The following PCDHGA11 variants were observed in gnomAD, a reference collection of about 807,000 sequenced individuals.
PCDHGA11 encodes protocadherin gamma-A11.
PCDHGA11 carries 39 observed loss-of-function variants against 60.4 expected under a neutral mutation model. That is an observed-to-expected ratio of 0.65 (90% CI 0.50 to 0.84). The LOEUF is 0.84. Ranked by LOEUF, PCDHGA11 falls within the 40% of genes least tolerant of loss-of-function variation. PCDHGA11 has a pLI of 0.00. For synonymous variants in PCDHGA11, 533 were observed against 510.3 expected (o/e 1.04, Z -0.60); for missense variants, 1,165 against 1,197.7 (o/e 0.97, Z 0.40).
rs376527354 is a variant in PCDHGA11, at chr5:141,439,129, G to A, written c.2433+15469G>A. Among the ~76,000 whole-genome samples the A allele has an allele frequency of 7.3e-5, 11 of 151,064 alleles. No individual in the cohort carries two copies. The South Asian group carries it at 2.3e-3, about 32-fold the overall frequency. The stretch of plus-strand genomic sequence containing the variant: ...AATCACTTGAACCCGGGAGACAGAG[G>A]TTGCAGTGAGCTGAGATCACGCCAC... On this transcript the variant is annotated intron_variant, in intron 1 of 3. Coordinates refer to ENST00000398587, the MANE Select transcript of PCDHGA11 (RefSeq NM_018914.3).
intron 1 of PCDHGA11, chr5:141,424,504 G>GT (rs892941709): frequency 6.6e-6 from 1 of 152,016 alleles, no homozygotes; most frequent in African/African-American, 2.4e-5. Context: ...TGTATGGAAG[G>GT]TTTTTTAATG....
intron 1 of PCDHGA11, among the ~76,000 whole-genome samples, chr5:141,438,976 C>T (rs2098079529): frequency 6.6e-6 from 1 of 151,928 alleles, no homozygotes; most frequent in Non-Finnish European, 1.5e-5. Context: ...AACTGTCTGA[C>T]TTATCTTAAA....
chr5:141,422,910 C>T lies in PCDHGA11; in HGVS notation c.1683C>T (p.Pro561=), dbSNP rs756589496. Residue 561 remains proline, a synonymous_variant, in exon 1 of 4, where the codon CCC becomes CCT. Transcript: ENST00000398587. ...LFVLDQNDNA[P]EILYPALPTD... ...TGCTGGACCAGAACGACAATGCGCC[C>T]GAGATCCTGTACCCTGCCCTCCCCA... 1.2e-6 allele frequency: 2 copies of T among 1,614,252 alleles called. No homozygotes were observed. The highest frequency in any genetic ancestry group is 1.1e-5 in the South Asian group (1 of 91,086).
At chr5:141,433,181 G>T (rs199507607) in intron 1 of PCDHGA11, 45 of 1,607,620 alleles carry the variant, frequency 2.8e-5, no homozygotes, top group Non-Finnish European at 3.4e-5. Context: ...TGGGTTAATT[G>T]AGGTGAGTTT....
Position 141,489,517 on chromosome 5 carries a change from G to C in PCDHGA11, c.2434-5290G>C. The C allele has an allele frequency of 6.2e-7, 1 of 1,614,136 alleles. No individual in the cohort carries two copies. Among genetic ancestry groups the C allele is most frequent in the Non-Finnish European group, 8.5e-7 (1 of 1,180,044 alleles). On this transcript the variant is annotated intron_variant, in intron 1 of 3. Transcript: ENST00000398587. The surrounding 1 kb of genome is among the most constrained non-coding windows in gnomAD (Gnocchi z 4.5). ...GGCAGTGAATCAAAAGATTGACCGA[G>C]AAAGCCTATGTGGAGCCAGCACCAG...
Position 141,432,741 on chromosome 5 carries a change from C to A in PCDHGA11, c.2433+9081C>A. 6.2e-7 allele frequency: 1 copy of A among 1,614,106 alleles called. No individual in the cohort carries two copies. The highest frequency in any genetic ancestry group is 8.5e-7 in the Non-Finnish European group (1 of 1,179,988). On this transcript the variant is annotated intron_variant, in intron 1 of 3. Transcript: ENST00000398587. The surrounding 1 kb of genome is among the most constrained non-coding windows in gnomAD (Gnocchi z 6.0). ...CCTCTCTCCGCCACTGTCACGCTCA[C>A]CGTGGCCGTGGCCGACAGCATCCCC...
chr5:141,471,626 G>A (rs938624727), intron 1 of PCDHGA11: 2 of 152,108 alleles, frequency 1.3e-5, no homozygotes, highest in South Asian at 4.1e-4. Context: ...GTAAGCATTG[G>A]TATGGATTAG....
At position 141,423,070 on chromosome 5, in the gene PCDHGA11, C is replaced by G; in HGVS notation, c.1843C>G (p.Pro615Ala). ...CTATCGCCTGCTTAAGGCCAGCGAG[C>G]CGGGACTCTTCGCGGTGGGGGAGCA... The part of the protein sequence containing the change: ...LSYRLLKASE[P>A]GLFAVGEHTG... The change falls in exon 1 of 4, where the codon CCG (proline) becomes GCG (alanine). Residue 615 changes from proline to alanine, a missense_variant. Pro to Ala is a conservative substitution (Grantham distance 27). Transcript: ENST00000398587. 6.2e-7 allele frequency: 1 copy of G among 1,614,132 alleles called. No homozygotes were observed. The highest frequency in any genetic ancestry group is 8.5e-7 in the Non-Finnish European group (1 of 1,180,036).
At chr5:141,437,986 C>T (rs2097921856) in intron 1 of PCDHGA11, among the ~76,000 whole-genome samples, 1 of 152,096 alleles carries the variant, frequency 6.6e-6, no homozygotes, top group African/African-American at 2.4e-5. Context: ...TGCACCCACC[C>T]CACCTCAGCC....
chr5:141,490,098 T>C lies in PCDHGA11; in HGVS notation c.2434-4709T>C, dbSNP rs774132407. On this transcript the variant is annotated intron_variant, in intron 1 of 3. Transcript: ENST00000398587. The surrounding 1 kb of genome is among the most constrained non-coding windows in gnomAD (Gnocchi z 5.4). ...ACTATTCTTTTGGAGACCACACATCTGAGGCAGTGCGGAACCTCTTTGGCC... is the reference window on the plus strand; with the variant it reads ...ACTATTCTTTTGGAGACCACACATCCGAGGCAGTGCGGAACCTCTTTGGCC... The C allele has an allele frequency of 6.2e-7, 1 of 1,614,260 alleles. No homozygotes were observed. The highest frequency in any genetic ancestry group is 8.5e-7 in the Non-Finnish European group (1 of 1,180,038).
At position 141,438,591 on chromosome 5, in the gene PCDHGA11, CATATATATATATAT is replaced by C. The variant is rs946798767; in HGVS notation, c.2433+14963_2433+14976del. Among the ~76,000 whole-genome samples the C allele has an allele frequency of 7.9e-5, 6 of 75,562 alleles. No individual in the cohort carries two copies. The East Asian group carries it at 1.7e-3, about 22-fold the overall frequency. 49.6% of individuals were successfully genotyped at this position (75,562 alleles called of 152,430 possible). On this transcript the variant is annotated intron_variant, in intron 1 of 3. Transcript: ENST00000398587. ...TCTGATATACATACATACATACATA[CATATATATATATAT>C]ATATATATATATATATATATATATA...
chr5:141,485,174 A>G lies in PCDHGA11; in HGVS notation c.2434-9633A>G. 6.2e-7 allele frequency: 1 copy of G among 1,611,406 alleles called. No individual in the cohort carries two copies. The highest frequency in any genetic ancestry group is 8.5e-7 in the Non-Finnish European group (1 of 1,177,898). ...AGTAGAGAATTAGCGGGCGGCAGCA[A>G]TGCTCCGCAAGGTGAGAAGCTGGAC... On this transcript the variant is annotated intron_variant, in intron 1 of 3. Coordinates refer to ENST00000398587, the MANE Select transcript of PCDHGA11 (RefSeq NM_018914.3). The surrounding 1 kb of genome is among the most constrained non-coding windows in gnomAD (Gnocchi z 5.7).
Position 141,477,148 on chromosome 5 carries a change from T to A in PCDHGA11, c.2434-17659T>A. 1 of 1,614,172 alleles carries A rather than the reference T, an allele frequency of 6.2e-7. No individual in the cohort carries two copies. Among genetic ancestry groups the A allele is most frequent in the African/African-American group, 1.3e-5 (1 of 75,050 alleles). On this transcript the variant is annotated intron_variant, in intron 1 of 3. Transcript: ENST00000398587. This position sits in a 1 kb window ranked among gnomAD's most constrained non-coding sequence, Gnocchi z 4.9. ...GCAAAGTGTTGGTGGAGGTTGTGGA[T>A]GTGAATGACAACGCCCCGGAGATCA...
chr5:141,457,233 T>G (rs1038193595), intron 1 of PCDHGA11, among the ~76,000 whole-genome samples: 9 of 152,208 alleles, frequency 5.9e-5, no homozygotes, highest in African/African-American at 2.2e-4. Flanking sequence ...AATTTCCATC[T>G]AAAATTTTAC....
At chr5:141,427,721 A>C (rs904969652) in intron 1 of PCDHGA11, 3 of 1,110,498 alleles carry the variant, frequency 2.7e-6, no homozygotes, top group Non-Finnish European at 4.0e-6. Context: ...ACCTGGACCT[A>C]GGGCTGAATG....
At chr5:141,474,044 T>A (rs1442885504) in intron 1 of PCDHGA11, among the ~76,000 whole-genome samples, 3 of 152,162 alleles carry the variant, frequency 2.0e-5, no homozygotes. Context: ...TACTCCAGCC[T>A]GGATGACAGA....
In PCDHGA11 at chr5:141,421,365, G is replaced by A. The variant is rs1189449968; in HGVS notation, c.138G>A (p.Val46=). ...AAGAGACCGAAAAGGGCTCCTTCGT[G>A]GGCAATATCTCCAAGGACCTGGGGC... ...VPEETEKGSF[V]GNISKDLGLE... Residue 46 remains valine (V), a synonymous_variant, in exon 1 of 4, where the codon GTG becomes GTA. Coordinates refer to ENST00000398587, the MANE Select transcript of PCDHGA11 (RefSeq NM_018914.3). The A allele has an allele frequency of 1.2e-6, 2 of 1,614,026 alleles. No homozygotes were observed. Among genetic ancestry groups the A allele is most frequent in the South Asian group, 1.1e-5 (1 of 91,086 alleles).
intron 1 of PCDHGA11, among the ~76,000 whole-genome samples, chr5:141,449,205 A>G (rs991001366): frequency 6.6e-6 from 1 of 152,164 alleles, no homozygotes; most frequent in Admixed American, 6.5e-5. Context: ...GTTAATTCTA[A>G]CTTTCTGTTT....
At position 141,512,133 on chromosome 5, in the gene PCDHGA11, G is replaced by C. The variant is rs1394116556; in HGVS notation, c.*960G>C. 1 of 152,708 alleles carries C rather than the reference G, an allele frequency of 6.5e-6. No homozygotes were observed. Among genetic ancestry groups the C allele is most frequent in the Non-Finnish European group, 1.5e-5 (1 of 68,102 alleles). The allele number at this position is 152,708 out of a possible 1,614,324, so 9.5% of individuals were successfully genotyped here. On this transcript the variant is annotated 3_prime_UTR_variant, in exon 4 of 4. Transcript: ENST00000398587. ...CCACTACATAATAGGGCTCAGCCCA[G>C]GCAGCCAGCTTTGGGCTGAGCTAAC...
Sources: gnomAD v4.1 joint callset for allele counts (sites outside exome capture counted in the v4.1 genomes callset) on GRCh38, gnomAD v4.1.1 for gene constraint, Gnocchi (gnomAD v3.1) non-coding constraint, MANE v1.5 for transcripts, NCBI Gene and HGNC (gene_info 2026-07-23, HGNC 2026-07-21) for gene names.